Variants in TPO observed in about 807,000 individuals in gnomAD.
TPO encodes thyroid microsomal antigen.
TPO carries 78 observed loss-of-function variants against 96.9 expected under a neutral mutation model. The observed-to-expected ratio is 0.81, with a 90% CI of 0.67 to 0.97. The LOEUF (loss-of-function observed/expected upper bound fraction) is 0.97. Ranked by LOEUF, TPO falls within the 50% of genes least tolerant of loss-of-function variation. The probability of loss-of-function intolerance (pLI) is 0.00; values close to 1 mark genes in which losing one functional copy is unlikely to be tolerated. For missense variants in TPO, 1,252 were observed against 1,274.8 expected (o/e 0.98, Z 0.27); for synonymous variants, 547 against 538.0 (o/e 1.02, Z -0.23).
rs78882362 is a variant in TPO at position 1,488,809 on chromosome 2, C to T, written c.1768+818C>T. 6.2e-3 allele frequency among the ~76,000 whole-genome samples: 946 copies of T among 152,300 alleles called. 8 individuals carry two copies. The highest frequency in any genetic ancestry group is 0.022 in the African/African-American group (907 of 41,554). The stretch of plus-strand genomic sequence containing the variant: ...GCCTTCCTCTGTCCCCTGGCCCTTC[C>T]CCCATCCCTGTCTTCCTCACCAGTG... On this transcript the variant is annotated intron_variant, in intron 10 of 16. Transcript: ENST00000329066.
At chr2:1,374,858 C>T (rs1661697548) in intron 1 of TPO, among the ~76,000 whole-genome samples, 1 of 151,698 alleles carries the variant, frequency 6.6e-6, no homozygotes, top group South Asian at 2.1e-4. Context: ...TCCCAAGTAG[C>T]TGGGACTACA....
rs148685735 is a variant in TPO at position 1,489,030 on chromosome 2, G to A, written c.1768+1039G>A. Among the ~76,000 whole-genome samples, 800 of 152,180 alleles carry A rather than the reference G, an allele frequency of 5.3e-3. 12 individuals carry two copies. Among genetic ancestry groups the A allele is most frequent in the Middle Eastern group, 6.8e-3 (2 of 294 alleles). ...GCACAGCCTACACATGCCTTCACAT[G>A]CCCGGCACATACCCAGCACACACCC... On this transcript the variant is annotated intron_variant, in intron 10 of 16. Transcript: ENST00000329066.
intron 14 of TPO, among the ~76,000 whole-genome samples, chr2:1,505,820 G>A (rs2125013927): frequency 6.7e-6 from 1 of 148,338 alleles, no homozygotes; most frequent in African/African-American, 2.5e-5. Context: ...AGGGGTTGCG[G>A]AGAAATTCTT....
At chr2:1,532,928 TC>T (rs1236294231) in intron 15 of TPO, among the ~76,000 whole-genome samples, 2 of 96,162 alleles carry the variant, frequency 2.1e-5, no homozygotes, top group African/African-American at 5.1e-5. Context: ...TCGCAAAATC[TC>T]CCCCACTATG....
intron 7 of TPO, among the ~76,000 whole-genome samples, chr2:1,472,282 C>A (rs1423904578): frequency 6.6e-6 from 1 of 151,540 alleles, no homozygotes; most frequent in East Asian, 2.0e-4. Flanking sequence ...TTCTGTGATC[C>A]AAATACTCAT....
At chr2:1,392,795 G>A (rs1222659675) in intron 1 of TPO, among the ~76,000 whole-genome samples, 1 of 152,152 alleles carries the variant, frequency 6.6e-6, no homozygotes, top group East Asian at 1.9e-4. Context: ...GGTGTTTATA[G>A]TAGTCTCTGA....
intron 7 of TPO, among the ~76,000 whole-genome samples, chr2:1,471,449 C>CA (rs1553313327): frequency 6.6e-6 from 1 of 151,814 alleles, no homozygotes; most frequent in Non-Finnish European, 1.5e-5. Flanking sequence ...GACCCCCCCC[C>CA]ACAAATTTTG....
At chr2:1,469,767 G>A (rs1174458344) in intron 7 of TPO, among the ~76,000 whole-genome samples, 1 of 152,208 alleles carries the variant, frequency 6.6e-6, no homozygotes, top group Non-Finnish European at 1.5e-5. Context: ...TGTTCAGGGT[G>A]GACGATCTCT....
chr2:1,392,539 C>T (rs148551969), intron 1 of TPO, among the ~76,000 whole-genome samples: 2,137 of 152,220 alleles, frequency 0.014, 61 homozygotes, highest in South Asian at 0.12. Flanking sequence ...AGGGAGGATT[C>T]CCTGTTTTTC....
rs569889958 is a variant in TPO at position 1,475,791 on chromosome 2, C to T, written c.820-1295C>T. ...AATGCACGATCTTTTTTAACGTGGA[C>T]CCTGTGCTGGCTCTGAGCCAAGGCT... On this transcript the variant is annotated intron_variant, in intron 7 of 16. Coordinates refer to ENST00000329066, the MANE Select transcript of TPO (RefSeq NM_001206744.2). Among the ~76,000 whole-genome samples the T allele has an allele frequency of 5.3e-5, 8 of 152,336 alleles. No homozygotes were observed. In the South Asian group the frequency reaches 1.2e-3, roughly 24 times the overall value.
intron 1 of TPO, among the ~76,000 whole-genome samples, chr2:1,401,470 A>G (rs1662170752): frequency 6.6e-6 from 1 of 152,150 alleles, no homozygotes; most frequent in African/African-American, 2.4e-5. Context: ...TTGCTCACTC[A>G]AGAACCCCAG....
At chr2:1,483,290 G>C (rs575016425) in intron 8 of TPO, among the ~76,000 whole-genome samples, 2 of 152,256 alleles carry the variant, frequency 1.3e-5, no homozygotes, top group Non-Finnish European at 2.9e-5. Context: ...TGTGCTTGCT[G>C]CATCCCCTGG....
At chr2:1,424,736 A>G (rs922047412) in intron 3 of TPO, among the ~76,000 whole-genome samples, 20 of 152,218 alleles carry the variant, frequency 1.3e-4, no homozygotes, top group African/African-American at 4.6e-4. Flanking sequence ...TGGAACAGTC[A>G]TTGTTCTAGA....
chr2:1,465,949 G>A (rs1668857838), intron 7 of TPO, among the ~76,000 whole-genome samples: 1 of 152,142 alleles, frequency 6.6e-6, no homozygotes, highest in African/African-American at 2.4e-5. Flanking sequence ...AGTGGTGAGA[G>A]TAGGCATCCT....
At chr2:1,399,474 A>G (rs1163274351) in intron 1 of TPO, among the ~76,000 whole-genome samples, 1 of 152,238 alleles carries the variant, frequency 6.6e-6, no homozygotes, top group Non-Finnish European at 1.5e-5. Context: ...TAAATTAGGC[A>G]TAGTAAGAGA....
intron 3 of TPO, 97 bp from the exon 4 acceptor site, chr2:1,433,341 T>C: frequency 6.8e-7 from 1 of 1,473,784 alleles, no homozygotes; most frequent in Non-Finnish European, 9.4e-7. Flanking sequence ...TGGGACACAG[T>C]AGTTACTCAA....
intron 7 of TPO, among the ~76,000 whole-genome samples, chr2:1,463,294 A>G (rs1668613410): frequency 6.6e-6 from 1 of 152,232 alleles, no homozygotes; most frequent in Non-Finnish European, 1.5e-5. Flanking sequence ...CAGTCACTCC[A>G]GTGAGATGAA....
At chr2:1,421,625 C>T (rs1663540545) in intron 2 of TPO, among the ~76,000 whole-genome samples, 1 of 152,170 alleles carries the variant, frequency 6.6e-6, no homozygotes, top group Non-Finnish European at 1.5e-5. Flanking sequence ...GTTGCCTGGG[C>T]AGTTGCAGTG....
At chr2:1,506,200 T>C (rs927147480) in intron 14 of TPO, among the ~76,000 whole-genome samples, 2 of 152,112 alleles carry the variant, frequency 1.3e-5, no homozygotes, top group African/African-American at 4.8e-5. Context: ...TCCATGTCCC[T>C]ACAAAGGACA....
Sources: allele counts gnomAD v4.1 joint callset (sites outside exome capture counted in the v4.1 genomes callset), GRCh38; gene constraint gnomAD v4.1.1; transcripts MANE v1.5; gene names NCBI Gene and HGNC (gene_info 2026-07-23, HGNC 2026-07-21).